IK: variants seen among roughly 807,000 people sequenced by gnomAD.
The protein encoded by IK is IK cytokine, also known as protein Red.
IK carries 47 observed loss-of-function variants against 90.9 expected under a neutral mutation model. The ratio of observed to expected loss-of-function variants is 0.52; its 90% CI spans 0.41 to 0.66. The LOEUF (loss-of-function observed/expected upper bound fraction) is 0.66. Among genes scored for constraint, IK ranks in the 30% least tolerant of loss-of-function variants. The pLI, the probability that IK is intolerant of heterozygous loss-of-function variation, is 0.00. For missense variants in IK, 385 were observed against 709.3 expected (o/e 0.54, Z 5.19); for synonymous variants, 201 against 227.5 (o/e 0.88, Z 1.05).
Position 140,648,007 on chromosome 5 carries a change from G to GT in IK, c.16+83_16+84insT, listed in dbSNP as rs1757510439. 7.5e-6 allele frequency: 7 copies of GT among 931,446 alleles called. No individual in the cohort carries two copies. In the Admixed American group the frequency reaches 7.6e-5, roughly 10 times the overall value. 57.7% of individuals were successfully genotyped at this position (931,446 alleles called of 1,614,324 possible). A position where few individuals can be genotyped will look rare whatever the true frequency, so the allele number is the denominator to read the frequency against. ...TATTGTAGCTTCTGAGCTTAAGCCG[G>GT]GTGTGTGTGTGTGTGTGTGTGTGTG... On this transcript the variant is annotated intron_variant, in intron 1 of 19. Coordinates refer to ENST00000417647, the MANE Select transcript of IK (RefSeq NM_006083.4).
chr5:140,658,625 C>A, intron 10 of IK, 112 bp from the exon 11 acceptor site: 1 of 932,970 alleles, frequency 1.1e-6, no homozygotes, highest in South Asian at 1.4e-5. Flanking sequence ...CAGCCTTGAC[C>A]CACGTTTTAA....
Position 140,648,650 on chromosome 5 carries a change from C to G in IK, c.83+113C>G, listed in dbSNP as rs146096806. On this transcript the variant is annotated intron_variant, in intron 2 of 19. Transcript: ENST00000417647. ...TCATCAAGGATGGTAAAAAATTATA[C>G]CCGCTGGCCCTTTATCTCTGTGAGC... The G allele has an allele frequency of 4.3e-4, 449 of 1,040,590 alleles. 3 individuals are homozygous for G. In the African/African-American group the frequency reaches 6.3e-3, roughly 15 times the overall value. 64.5% of individuals were successfully genotyped at this position (1,040,590 alleles called of 1,614,324 possible).
In IK at chr5:140,661,963, A is replaced by G; in HGVS notation, c.1567A>G (p.Asn523Asp). Residue 523 changes from asparagine (N) to aspartate (D), a missense_variant, in exon 18 of 20, where the codon AAT becomes GAT. Transcript: ENST00000417647. This position sits in a 1 kb window ranked among gnomAD's most constrained non-coding sequence, Gnocchi z 4.2. ...GRKTRRFKET[N>D]DKAELDRQWK... ...GAAAACCAGGCGCTTCAAGGAAACC[A>G]ATGACAAAGCAGAGCTTGATCGCCA... 1.9e-6 allele frequency: 3 copies of G among 1,611,588 alleles called. No individual in the cohort carries two copies. Among genetic ancestry groups the G allele is most frequent in the East Asian group, 2.2e-5 (1 of 44,842 alleles).
chr5:140,656,442 C>T (rs573608198), intron 9 of IK, among the ~76,000 whole-genome samples: 1 of 152,324 alleles, frequency 6.6e-6, no homozygotes, highest in Non-Finnish European at 1.5e-5. Context: ...GCCTTGGCCT[C>T]CCAAAGTACT....
At chr5:140,660,871 G>T in intron 16 of IK, 56 bp downstream of exon 16, 1 of 1,337,634 alleles carries the variant, frequency 7.5e-7, no homozygotes, top group Non-Finnish European at 1.1e-6. Flanking sequence ...TGTTTTACAT[G>T]TATCTCCTTC....
At chr5:140,660,540 T>G in intron 15 of IK, 1 of 548,818 alleles carries the variant, frequency 1.8e-6, no homozygotes, top group Non-Finnish European at 3.2e-6. Flanking sequence ...TCAGGTAATC[T>G]GCCCTCCTCA....
intron 4 of IK, 103 bp from the exon 5 acceptor site, chr5:140,652,874 A>G: frequency 4.8e-6 from 5 of 1,038,988 alleles, no homozygotes; most frequent in Non-Finnish European, 7.1e-6. Context: ...GCTTTTCCCC[A>G]TAGAGAGTAG....
Position 140,647,925 on chromosome 5 carries a change from G to A in IK, c.16+1G>A. ...GATAACAAAATGCCGGAGCGAGATA[G>A]TAAGGCTCAGGCCATCCGTTATTTC... On this transcript the variant is annotated splice_donor_variant, in intron 1 of 19. Transcript: ENST00000417647. LOFTEE classifies it high-confidence loss of function. The A allele has an allele frequency of 6.2e-7, 1 of 1,613,976 alleles. No homozygotes were observed. Among genetic ancestry groups the A allele is most frequent in the Non-Finnish European group, 8.5e-7 (1 of 1,179,856 alleles).
chr5:140,661,928 C>T lies in IK; in HGVS notation c.1532C>T (p.Ser511Phe). The change falls in exon 18 of 20, where the codon TCT becomes TTT. Residue 511 changes from serine (S) to phenylalanine (F), a missense_variant. Ser to Phe is a radical substitution (Grantham distance 155, BLOSUM62 -2). This residue lies in a region of IK where 23 missense variants were observed against 115.2 expected (regional missense o/e 0.20). Coordinates refer to ENST00000417647, the MANE Select transcript of IK (RefSeq NM_006083.4). This position sits in a 1 kb window ranked among gnomAD's most constrained non-coding sequence, Gnocchi z 4.2. ...GCATTCCAGTATGGTATCAAAATGT[C>T]TGAAGGGCGGAAAACCAGGCGCTTC... ...KAAFQYGIKM[S>F]EGRKTRRFKE... 6.2e-7 allele frequency: 1 copy of T among 1,611,268 alleles called. No homozygotes were observed. The highest frequency in any genetic ancestry group is 8.5e-7 in the Non-Finnish European group (1 of 1,178,710).
intron 2 of IK, among the ~76,000 whole-genome samples, chr5:140,650,627 A>G (rs1167680547): frequency 6.6e-6 from 1 of 151,898 alleles, no homozygotes; most frequent in African/African-American, 2.4e-5. Flanking sequence ...CCCAGGCTGG[A>G]GTGTAATACC....
rs1189964564 is a variant in IK at position 140,659,697 on chromosome 5, G to T, written c.1196-59G>T. 4 of 1,073,024 alleles carry T rather than the reference G, an allele frequency of 3.7e-6. No homozygotes were observed. The African/African-American group carries it at 4.7e-5, about 13-fold the overall frequency. 66.5% of individuals were successfully genotyped at this position (1,073,024 alleles called of 1,614,324 possible). On this transcript the variant is annotated intron_variant, in intron 13 of 19. Coordinates refer to ENST00000417647, the MANE Select transcript of IK (RefSeq NM_006083.4). Reference sequence around the variant, plus strand: ...TAAAAATGTTTTTTAAGTGTGTTGTGGGGAGGAGGTTGTGAGAGCCTCAGT... The same window carrying T: ...TAAAAATGTTTTTTAAGTGTGTTGTTGGGAGGAGGTTGTGAGAGCCTCAGT...
At position 140,661,518 on chromosome 5, in the gene IK, G is replaced by A; in HGVS notation, c.1414-102G>A. The stretch of plus-strand genomic sequence containing the variant: ...TATCAGGGTATGATTTATGAATTGT[G>A]GAACCTGGGATTATGGGAGAGTCTG... On this transcript the variant is annotated intron_variant, in intron 16 of 19. Coordinates refer to ENST00000417647, the MANE Select transcript of IK (RefSeq NM_006083.4). This position sits in a 1 kb window ranked among gnomAD's most constrained non-coding sequence, Gnocchi z 4.2. The A allele has an allele frequency of 1.4e-6, 1 of 714,154 alleles. No homozygotes were observed. Among genetic ancestry groups the A allele is most frequent in the Non-Finnish European group, 2.4e-6 (1 of 413,640 alleles). 44.2% of individuals were successfully genotyped at this position (714,154 alleles called of 1,614,324 possible).
chr5:140,657,480 G>A (rs1757731252), intron 9 of IK, 74 bp from the exon 10 acceptor site: 1 of 1,033,852 alleles, frequency 9.7e-7, no homozygotes, highest in African/African-American at 1.6e-5. Flanking sequence ...TCTTTAGTTT[G>A]TTAAGTGAAT....
rs377609610 is a variant in IK at position 140,652,077 on chromosome 5, G to A, written c.177-11G>A. The A allele has an allele frequency of 3.0e-5, 48 of 1,610,858 alleles. No homozygotes were observed. The highest frequency in any genetic ancestry group is 3.4e-5 in the Non-Finnish European group (40 of 1,177,324). ...ATATTTTGCTATCAGTGAATTTCTC[G>A]TCTCTTCTAGGATGCCAAGGGAGTA... On this transcript the variant is annotated splice_polypyrimidine_tract_variant and intron_variant, in intron 3 of 19. Transcript: ENST00000417647.
intron 4 of IK, 80 bp downstream of exon 4, chr5:140,652,227 G>T (rs1757626467): frequency 1.8e-6 from 2 of 1,093,488 alleles, no homozygotes; most frequent in South Asian, 1.3e-5. Context: ...TATGAAGCTA[G>T]AAACTAAGAT....
At chr5:140,660,556 C>G in intron 15 of IK, 1 of 555,416 alleles carries the variant, frequency 1.8e-6, no homozygotes, top group South Asian at 2.6e-5. Flanking sequence ...CCTCAGCCTC[C>G]AAAAGTGCGG....
chr5:140,656,432 G>A (rs187869974), intron 9 of IK, among the ~76,000 whole-genome samples: 8 of 152,210 alleles, frequency 5.3e-5, no homozygotes, highest in African/African-American at 1.4e-4. Context: ...TGATCCATCC[G>A]CCTTGGCCTC....
chr5:140,659,378 C>A, intron 13 of IK, 45 bp downstream of exon 13: 1 of 1,610,466 alleles, frequency 6.2e-7, no homozygotes, highest in Non-Finnish European at 8.5e-7. Flanking sequence ...AGCAGTCCTG[C>A]TTTCCCCTGG....
intron 2 of IK, among the ~76,000 whole-genome samples, chr5:140,650,056 G>A (rs1757588398): frequency 6.6e-6 from 1 of 152,138 alleles, no homozygotes; most frequent in Non-Finnish European, 1.5e-5. Context: ...TCCCCAAAGA[G>A]TCCCATTTTT....
Sources: gnomAD v4.1 joint callset for allele counts (sites outside exome capture counted in the v4.1 genomes callset) on GRCh38, gnomAD v4.1.1 for gene constraint, gnomAD v4.1.1 regional missense constraint, Gnocchi (gnomAD v3.1) non-coding constraint, MANE v1.5 for transcripts, NCBI Gene and HGNC (gene_info 2026-07-23, HGNC 2026-07-21) for gene names.